CRIPTO: variants seen among roughly 807,000 people sequenced by gnomAD.
CRIPTO encodes the protein cripto, EGF-CFC family member.
chr3:46,580,738 G>A, the CRIPTO span, among the ~76,000 whole-genome samples: 1 of 152,210 alleles, frequency 6.6e-6, no homozygotes, highest in African/African-American at 2.4e-5. Flanking sequence ...CTGGGCCTTG[G>A]AGATGTTAGA....
At chr3:46,575,225 G>T in the CRIPTO span, among the ~76,000 whole-genome samples, 3 of 152,236 alleles carry the variant, frequency 2.0e-5, no homozygotes, top group Non-Finnish European at 4.4e-5. Context: ...AACAATTACT[G>T]TTCTTTCTCT....
chr3:46,578,011 G>T, the CRIPTO span: 2 of 1,614,116 alleles, frequency 1.2e-6, no homozygotes, highest in Non-Finnish European at 1.7e-6. Flanking sequence ...ACAGGTATGA[G>T]CTAATCTTGA....
At chr3:46,579,143 T>G in the CRIPTO span, 2 of 1,614,104 alleles carry the variant, frequency 1.2e-6, no homozygotes, top group African/African-American at 1.3e-5. Flanking sequence ...TGGGATTAGT[T>G]GCCGGTGAGA....
chr3:46,581,778 T>A, the CRIPTO span: 1 of 297,202 alleles, frequency 3.4e-6, no homozygotes, highest in Admixed American at 4.6e-5. Context: ...CTCGAAGTGC[T>A]GAGATTACAC....
the CRIPTO span, among the ~76,000 whole-genome samples, chr3:46,580,556 C>T: frequency 1.4e-5 from 2 of 141,812 alleles, no homozygotes; most frequent in Non-Finnish European, 3.1e-5. Context: ...GGTCACAGAA[C>T]CCTTACCATG....
At chr3:46,581,423 C>T in the CRIPTO span, 3 of 661,878 alleles carry the variant, frequency 4.5e-6, no homozygotes, top group African/African-American at 1.8e-5. Context: ...CTACTTCTTA[C>T]TTCTTTGCCC....
At chr3:46,579,541 G>T in the CRIPTO span, 1 of 1,273,824 alleles carries the variant, frequency 7.9e-7, no homozygotes, top group Non-Finnish European at 1.1e-6. Context: ...CTAGAGTGCA[G>T]TTTTCCTCCC....
the CRIPTO span, chr3:46,581,193 A>G: frequency 1.9e-6 from 3 of 1,614,220 alleles, no homozygotes; most frequent in Non-Finnish European, 2.5e-6. Flanking sequence ...CACCGTCTGC[A>G]CGTACTACCA....
At chr3:46,579,002 G>T in the CRIPTO span, 6 of 1,343,814 alleles carry the variant, frequency 4.5e-6, no homozygotes, top group Non-Finnish European at 6.4e-6. Flanking sequence ...AGTGATCTGT[G>T]GTCTTGTCCT....
At chr3:46,576,511 A>G in the CRIPTO span, among the ~76,000 whole-genome samples, 2 of 139,180 alleles carry the variant, frequency 1.4e-5, no homozygotes, top group African/African-American at 2.7e-5. Flanking sequence ...AAAAAAAATC[A>G]TGTGTAGAAG....
the CRIPTO span, among the ~76,000 whole-genome samples, chr3:46,575,231 T>A: frequency 6.6e-6 from 1 of 152,206 alleles, no homozygotes; most frequent in Non-Finnish European, 1.5e-5. Flanking sequence ...TACTGTTCTT[T>A]CTCTCCAGCC....
the CRIPTO span, chr3:46,578,977 C>T: frequency 8.4e-7 from 1 of 1,183,588 alleles, no homozygotes; most frequent in South Asian, 1.3e-5. Context: ...AGATGGTGCT[C>T]TACAATTTCT....
At chr3:46,576,981 G>C in the CRIPTO span, among the ~76,000 whole-genome samples, 2 of 152,124 alleles carry the variant, frequency 1.3e-5, no homozygotes, top group South Asian at 4.1e-4. Flanking sequence ...CGCCCTGTGG[G>C]AGCTGGGAGG....
the CRIPTO span, among the ~76,000 whole-genome samples, chr3:46,577,086 A>G: frequency 1.3e-5 from 2 of 152,132 alleles, no homozygotes; most frequent in African/African-American, 2.4e-5. Context: ...CGGCACTCCC[A>G]CTGGAGAGTC....
the CRIPTO span, chr3:46,579,031 G>T: frequency 6.4e-7 from 1 of 1,565,888 alleles, no homozygotes; most frequent in East Asian, 2.2e-5. Flanking sequence ...GAGGACCTGG[G>T]TGTTAACTTG....
chr3:46,577,425 C>A, the CRIPTO span: 1 of 154,386 alleles, frequency 6.5e-6, no homozygotes, highest in Admixed American at 6.4e-5. Flanking sequence ...AATAAAATAT[C>A]GAATGCCTTG....
chr3:46,579,383 T>C, the CRIPTO span: 3 of 1,613,918 alleles, frequency 1.9e-6, no homozygotes, highest in Non-Finnish European at 2.5e-6. Context: ...ACTGCCTGAC[T>C]TCGATGCTTC....
the CRIPTO span, among the ~76,000 whole-genome samples, chr3:46,580,810 G>A: frequency 6.6e-6 from 1 of 152,178 alleles, no homozygotes. Context: ...GAACAGGAAG[G>A]AATTCCCCAA....
chr3:46,580,520 C>A, the CRIPTO span, among the ~76,000 whole-genome samples: 1 of 152,112 alleles, frequency 6.6e-6, no homozygotes, highest in Non-Finnish European at 1.5e-5. Context: ...TCCCTGGTAA[C>A]CCCCTCCCCA....
Sources: gnomAD v4.1 joint callset for allele counts (sites outside exome capture counted in the v4.1 genomes callset) on GRCh38, gnomAD v4.1.1 for gene constraint, MANE v1.5 for transcripts, NCBI Gene and HGNC (gene_info 2026-07-23, HGNC 2026-07-21) for gene names.